KCNMA1: variants seen among roughly 807,000 people sequenced by gnomAD.
KCNMA1 encodes the protein Calcium-activated potassium channel subunit alpha-1.
In KCNMA1, 29 loss-of-function variants were observed where a neutral mutation model predicts 140.0. The observed-to-expected ratio is 0.21, with a 90% CI of 0.15 to 0.28. KCNMA1 has a LOEUF of 0.28. Among genes scored for constraint, KCNMA1 ranks in the 10% least tolerant of loss-of-function variants. The probability of loss-of-function intolerance (pLI) is 1.00; values close to 1 mark genes in which losing one functional copy is unlikely to be tolerated. For synonymous variants in KCNMA1, 612 were observed against 611.9 expected (o/e 1.00, Z 0.00); for missense variants, 880 against 1,602.2 (o/e 0.55, Z 7.70).
chr10:77,051,458 T>C (rs1272897230), intron 14 of KCNMA1, among the ~76,000 whole-genome samples: 1 of 152,216 alleles, frequency 6.6e-6, no homozygotes, highest in Non-Finnish European at 1.5e-5. Context: ...GTATTCATTG[T>C]TATCTGGACA....
intron 19 of KCNMA1, among the ~76,000 whole-genome samples, chr10:76,975,105 C>T (rs552418073): frequency 2.0e-5 from 3 of 152,190 alleles, no homozygotes; most frequent in South Asian, 2.1e-4. Context: ...GCATTTCCTT[C>T]GGCCGTCAGC....
intron 20 of KCNMA1, among the ~76,000 whole-genome samples, chr10:76,959,363 G>A (rs1218107638): frequency 3.3e-5 from 5 of 152,222 alleles, no homozygotes; most frequent in South Asian, 2.1e-4. Context: ...GTGGTTAAGC[G>A]CCCTGGCTCC....
intron 3 of KCNMA1, among the ~76,000 whole-genome samples, chr10:77,191,244 T>C (rs1490563131): frequency 6.6e-6 from 1 of 152,168 alleles, no homozygotes; most frequent in East Asian, 1.9e-4. Context: ...GAAACTGATA[T>C]TATTATTCAT....
At chr10:77,220,320 T>A (rs551987727) in intron 3 of KCNMA1, among the ~76,000 whole-genome samples, 10 of 152,224 alleles carry the variant, frequency 6.6e-5, no homozygotes, top group African/African-American at 2.4e-4. Flanking sequence ...GGAGTTTGAG[T>A]CTACTCCATG....
intron 5 of KCNMA1, among the ~76,000 whole-genome samples, chr10:77,131,341 C>T (rs2097853505): frequency 1.3e-5 from 2 of 152,162 alleles, no homozygotes; most frequent in Non-Finnish European, 2.9e-5. Flanking sequence ...CACGGTGGCT[C>T]ATGCCCGTCA....
intron 2 of KCNMA1, among the ~76,000 whole-genome samples, chr10:77,368,716 G>A (rs1371595463): frequency 6.6e-6 from 1 of 152,204 alleles, no homozygotes; most frequent in African/African-American, 2.4e-5. Context: ...AAGACATGAA[G>A]TTTAGGTTGA....
At chr10:76,968,920 A>G (rs2075015236) in intron 20 of KCNMA1, among the ~76,000 whole-genome samples, 1 of 152,182 alleles carries the variant, frequency 6.6e-6, no homozygotes, top group Non-Finnish European at 1.5e-5. Flanking sequence ...GAATATGGGG[A>G]GTGGAAATCA....
chr10:77,262,260 G>C (rs185191009), intron 2 of KCNMA1, among the ~76,000 whole-genome samples: 2 of 152,278 alleles, frequency 1.3e-5, no homozygotes, highest in African/African-American at 4.8e-5. Flanking sequence ...TCCATACTAC[G>C]ACGTGAATGA....
At chr10:77,125,963 T>C (rs2097722986) in intron 5 of KCNMA1, among the ~76,000 whole-genome samples, 1 of 152,098 alleles carries the variant, frequency 6.6e-6, no homozygotes, top group Non-Finnish European at 1.5e-5. Context: ...GAAAGTAGCC[T>C]CATCAGGGAA....
intron 1 of KCNMA1, among the ~76,000 whole-genome samples, chr10:77,526,807 A>G (rs2154552073): frequency 6.6e-6 from 1 of 152,174 alleles, no homozygotes; most frequent in South Asian, 2.1e-4. Context: ...AACAGTAGAC[A>G]TGGGTTTCCT....
intron 9 of KCNMA1, among the ~76,000 whole-genome samples, chr10:77,102,563 G>T (rs1455088603): frequency 5.9e-5 from 9 of 152,218 alleles, no homozygotes; most frequent in Non-Finnish European, 1.2e-4. Context: ...CGAGCAATCA[G>T]TTTTTAAGAC....
chr10:77,483,886 C>G (rs1414407080), intron 1 of KCNMA1, among the ~76,000 whole-genome samples: 1 of 152,224 alleles, frequency 6.6e-6, no homozygotes, highest in Admixed American at 6.5e-5. Context: ...TGGACAATCA[C>G]TGCCCCTCCT....
intron 23 of KCNMA1, among the ~76,000 whole-genome samples, chr10:76,938,769 TG>T (rs1287503803): frequency 6.6e-6 from 1 of 152,240 alleles, no homozygotes; most frequent in African/African-American, 2.4e-5. Flanking sequence ...GGGGCCAAAT[TG>T]TACTTGTCCC....
chr10:77,059,285 GA>G (rs79047743), intron 14 of KCNMA1, among the ~76,000 whole-genome samples: 4,296 of 150,046 alleles, frequency 0.029, 229 homozygotes, highest in East Asian at 0.22. Flanking sequence ...AATATTTAAA[GA>G]AAAAAAAATC....
chr10:77,234,094 A>C (rs2054573056), intron 3 of KCNMA1, among the ~76,000 whole-genome samples: 1 of 152,222 alleles, frequency 6.6e-6, no homozygotes, highest in Non-Finnish European at 1.5e-5. Flanking sequence ...GTGGTATATT[A>C]GAATTATTGC....
intron 1 of KCNMA1, among the ~76,000 whole-genome samples, chr10:77,566,882 C>T (rs946166015): frequency 6.7e-6 from 1 of 149,350 alleles, no homozygotes; most frequent in African/African-American, 2.5e-5. Context: ...GGAGAAAAAG[C>T]AAAAGAAGGA....
At position 77,500,827 on chromosome 10, in the gene KCNMA1, A is replaced by C. The variant is rs2043597415; in HGVS notation, c.379-96804T>G. 1.3e-5 allele frequency among the ~76,000 whole-genome samples: 2 copies of C among 152,236 alleles called. 1 individual carries two copies. Among genetic ancestry groups the C allele is most frequent in the South Asian group, 4.1e-4 (2 of 4,826 alleles). ...GCTGGAATTTCTGCGTTAACTGGTCAACTGGAGAGAACTGGTAGAAAGCTC... is the reference window on the plus strand; with the variant it reads ...GCTGGAATTTCTGCGTTAACTGGTCCACTGGAGAGAACTGGTAGAAAGCTC... On this transcript the variant is annotated intron_variant, in intron 1 of 27. Coordinates refer to ENST00000286628, the MANE Select transcript of KCNMA1 (RefSeq NM_001161352.2).
chr10:77,059,268 A>G (rs777656136), intron 14 of KCNMA1, among the ~76,000 whole-genome samples: 1 of 151,610 alleles, frequency 6.6e-6, no homozygotes, highest in Non-Finnish European at 1.5e-5. Flanking sequence ...ACTGCCAAAT[A>G]CTACTAAATA....
intron 1 of KCNMA1, among the ~76,000 whole-genome samples, chr10:77,431,548 C>T (rs1416971487): frequency 6.6e-6 from 1 of 152,078 alleles, no homozygotes; most frequent in Non-Finnish European, 1.5e-5. Context: ...TGGCTCCAGC[C>T]AGTCCAAAGA....
Sources: allele counts gnomAD v4.1 joint callset (sites outside exome capture counted in the v4.1 genomes callset), GRCh38; gene constraint gnomAD v4.1.1; transcripts MANE v1.5; gene names NCBI Gene and HGNC (gene_info 2026-07-23, HGNC 2026-07-21).